The following ADGRL3 variants were observed in gnomAD, a reference collection of about 807,000 sequenced individuals.
ADGRL3 encodes the protein adhesion G protein-coupled receptor L3, also known as calcium-independent alpha-latrotoxin receptor 3.
In ADGRL3, 62 loss-of-function variants were observed where a neutral mutation model predicts 153.5. The observed-to-expected ratio is 0.40, with a 90% CI of 0.33 to 0.50. The LOEUF (loss-of-function observed/expected upper bound fraction) is 0.50, where lower values mean the gene tolerates loss of function less well. Among genes scored for constraint, ADGRL3 ranks in the 20% least tolerant of loss-of-function variants. The probability of loss-of-function intolerance (pLI) is 0.47; values close to 1 mark genes in which losing one functional copy is unlikely to be tolerated. For missense variants in ADGRL3, 1,641 were observed against 1,859.4 expected (o/e 0.88, Z 2.16); for synonymous variants, 710 against 672.5 (o/e 1.06, Z -0.86).
At chr4:61,206,760 T>A (rs1052337935) in intron 1 of ADGRL3, among the ~76,000 whole-genome samples, 1 of 152,112 alleles carries the variant, frequency 6.6e-6, no homozygotes, top group African/African-American at 2.4e-5. Context: ...GATGGGCAGA[T>A]CACTTGAAGT....
intron 1 of ADGRL3, among the ~76,000 whole-genome samples, chr4:61,235,716 A>G (rs1031344674): frequency 3.3e-5 from 5 of 152,202 alleles, no homozygotes; most frequent in South Asian, 2.1e-4. Context: ...GGTAAGATAG[A>G]TAACTTGACT....
intron 17 of ADGRL3, among the ~76,000 whole-genome samples, chr4:61,970,509 A>G (rs1015646187): frequency 1.4e-4 from 22 of 152,264 alleles, no homozygotes; most frequent in African/African-American, 4.1e-4. Context: ...AAGATCGCCA[A>G]TAACTTAGAG....
intron 9 of ADGRL3, among the ~76,000 whole-genome samples, chr4:61,842,788 G>A (rs1017420704): frequency 1.3e-5 from 2 of 152,138 alleles, no homozygotes; most frequent in African/African-American, 4.8e-5. Context: ...GCTGTTTTTG[G>A]TGGATGATAA....
At chr4:62,061,206 T>G (rs1412560281) in intron 25 of ADGRL3, among the ~76,000 whole-genome samples, 2 of 152,040 alleles carry the variant, frequency 1.3e-5, no homozygotes, top group Middle Eastern at 3.4e-3. Context: ...GCATTTTTTT[T>G]GTTTCATTAA....
chr4:61,647,136 C>G (rs930897885), intron 5 of ADGRL3, among the ~76,000 whole-genome samples: 1 of 152,186 alleles, frequency 6.6e-6, no homozygotes, highest in Middle Eastern at 3.4e-3. Flanking sequence ...TGCTTCAGCT[C>G]CTGCGCGGTG....
At chr4:62,000,072 A>G (rs1294598321) in intron 21 of ADGRL3, among the ~76,000 whole-genome samples, 2 of 151,958 alleles carry the variant, frequency 1.3e-5, no homozygotes, top group East Asian at 3.8e-4. Flanking sequence ...TACCCACGTT[A>G]GCACAAATTA....
At chr4:61,674,876 A>G (rs1167620774) in intron 5 of ADGRL3, among the ~76,000 whole-genome samples, 1 of 151,970 alleles carries the variant, frequency 6.6e-6, no homozygotes, top group Non-Finnish European at 1.5e-5. Flanking sequence ...ACACCAAAAC[A>G]TCGAGATAAC....
chr4:61,372,168 G>T (rs933311157), intron 1 of ADGRL3, among the ~76,000 whole-genome samples: 4 of 151,836 alleles, frequency 2.6e-5, no homozygotes, highest in African/African-American at 9.7e-5. Context: ...CTTTTCCTTT[G>T]GTTTGAATGT....
chr4:61,245,095 G>C (rs1274226823), intron 1 of ADGRL3, among the ~76,000 whole-genome samples: 1 of 151,984 alleles, frequency 6.6e-6, no homozygotes, highest in Non-Finnish European at 1.5e-5. Context: ...GTGCATTCTT[G>C]TTTCCTTCTT....
intron 2 of ADGRL3, among the ~76,000 whole-genome samples, chr4:61,384,813 G>T: frequency 6.6e-6 from 1 of 151,792 alleles, no homozygotes; most frequent in East Asian, 1.9e-4. Flanking sequence ...TATACTAACT[G>T]AAAAAGACAC....
intron 5 of ADGRL3, among the ~76,000 whole-genome samples, chr4:61,615,308 G>T (rs2091871447): frequency 6.6e-6 from 1 of 152,020 alleles, no homozygotes; most frequent in African/African-American, 2.4e-5. Flanking sequence ...TTGATCATTT[G>T]TCCTGTCCTT....
chr4:61,344,663 G>A (rs1292953148), intron 1 of ADGRL3, among the ~76,000 whole-genome samples: 2 of 152,072 alleles, frequency 1.3e-5, no homozygotes, highest in Non-Finnish European at 2.9e-5. Context: ...TGGTCATTAA[G>A]TAATAAAATG....
chr4:61,546,143 G>T (rs570411488), intron 4 of ADGRL3, among the ~76,000 whole-genome samples: 1 of 152,238 alleles, frequency 6.6e-6, no homozygotes, highest in Admixed American at 6.5e-5. Flanking sequence ...CACTGAGAGG[G>T]AACATTTTAA....
intron 11 of ADGRL3, among the ~76,000 whole-genome samples, chr4:61,898,804 A>G (rs746929036): frequency 6.6e-6 from 1 of 151,972 alleles, no homozygotes; most frequent in Non-Finnish European, 1.5e-5. Flanking sequence ...TTTAGTAGAG[A>G]TGAGGTTTCA....
rs537780288 is a variant in ADGRL3, at chr4:61,871,905, A to G, written c.1481-20751A>G. ...GTGGCTCACTGCCTCATTGCCTTCA[A>G]ATGTTACCTTTCAGTTACGCCTGCC... On this transcript the variant is annotated intron_variant, in intron 9 of 26. Transcript: ENST00000683033. 4.1e-3 allele frequency among the ~76,000 whole-genome samples: 618 copies of G among 152,272 alleles called. 3 individuals are homozygous for G. The highest frequency in any genetic ancestry group is 6.4e-3 in the Non-Finnish European group (435 of 68,024).
At chr4:61,205,144 T>C (rs1405946303) in intron 1 of ADGRL3, among the ~76,000 whole-genome samples, 1 of 152,170 alleles carries the variant, frequency 6.6e-6, no homozygotes, top group Non-Finnish European at 1.5e-5. Context: ...TTAAAAAGAC[T>C]ATAAAGTCAT....
intron 5 of ADGRL3, among the ~76,000 whole-genome samples, chr4:61,651,936 G>T (rs1002458615): frequency 6.6e-6 from 1 of 151,654 alleles, no homozygotes; most frequent in South Asian, 2.1e-4. Flanking sequence ...ACTTTTAAAG[G>T]TCATTTTAAT....
chr4:61,958,673 C>T (rs2098976906), intron 17 of ADGRL3, among the ~76,000 whole-genome samples: 1 of 152,054 alleles, frequency 6.6e-6, no homozygotes, highest in East Asian at 1.9e-4. Context: ...TATCAAATCT[C>T]ATGAGAACTC....
intron 8 of ADGRL3, among the ~76,000 whole-genome samples, chr4:61,767,487 A>G (rs1456618071): frequency 1.3e-5 from 2 of 152,204 alleles, no homozygotes; most frequent in African/African-American, 2.4e-5. Context: ...CTTACCTTCC[A>G]CTGTGAGAGT....
Sources: gnomAD v4.1 joint callset for allele counts (sites outside exome capture counted in the v4.1 genomes callset) on GRCh38, gnomAD v4.1.1 for gene constraint, MANE v1.5 for transcripts, NCBI Gene and HGNC (gene_info 2026-07-23, HGNC 2026-07-21) for gene names.